NTN1: variants seen among roughly 807,000 people sequenced by gnomAD.
The protein encoded by NTN1 is netrin 1, also known as netrin-1.
NTN1 carries 11 observed loss-of-function variants against 54.2 expected under a neutral mutation model. That is an observed-to-expected ratio of 0.20 (90% CI 0.13 to 0.34). The LOEUF is 0.34. Among genes scored for constraint, NTN1 ranks in the 10% least tolerant of loss-of-function variants. The pLI is 1.00. For synonymous variants in NTN1, 371 were observed against 382.0 expected (o/e 0.97, Z 0.33); for missense variants, 740 against 893.1 (o/e 0.83, Z 2.18).
In NTN1 at chr17:9,182,870, C is replaced by T. The variant is rs2092422547; in HGVS notation, c.1358-46C>T. On this transcript the variant is annotated intron_variant, in intron 4 of 6. Transcript: ENST00000173229. ...AAAGTCAAAAAATCATGTCGTCTTACCTTGTTTTCTCTCCTCCCCTCGCCC... is the reference window on the plus strand; with the variant it reads ...AAAGTCAAAAAATCATGTCGTCTTATCTTGTTTTCTCTCCTCCCCTCGCCC... 4 of 1,597,914 alleles carry T rather than the reference C, an allele frequency of 2.5e-6. 1 individual carries two copies. The East Asian group carries it at 8.9e-5, about 36-fold the overall frequency.
Position 9,163,125 on chromosome 17 carries a change from CTCTCTCTCTT to C in NTN1, c.1207+134_1207+143del, listed in dbSNP as rs1374463396. ...ACAAATTGGCGTTGTCTGAGGTCAT[CTCTCTCTCTT>C]TCTCTCTCTGTGACACACACACACA... On this transcript the variant is annotated intron_variant, in intron 3 of 6. Transcript: ENST00000173229. The C allele has an allele frequency of 4.7e-6, 4 of 852,118 alleles. No homozygotes were observed. The South Asian group carries it at 5.2e-5, about 11-fold the overall frequency. The allele number at this position is 852,118 out of a possible 1,614,324, so 52.8% of individuals were successfully genotyped here. A position where few individuals can be genotyped will look rare whatever the true frequency, so the allele number is the denominator to read the frequency against.
intron 2 of NTN1, among the ~76,000 whole-genome samples, chr17:9,150,023 G>A (rs1309832047): frequency 6.6e-6 from 1 of 152,140 alleles, no homozygotes; most frequent in Admixed American, 6.5e-5. Flanking sequence ...CCAACATGGC[G>A]AAACTCCATC....
chr17:9,152,004 A>G (rs1198876860), intron 2 of NTN1, among the ~76,000 whole-genome samples: 2 of 152,200 alleles, frequency 1.3e-5, no homozygotes, highest in Non-Finnish European at 2.9e-5. Context: ...CTCTGATAGG[A>G]CAGAAATGGA....
At chr17:9,098,098 TGTA>T (rs2092137954) in intron 2 of NTN1, among the ~76,000 whole-genome samples, 1 of 152,230 alleles carries the variant, frequency 6.6e-6, no homozygotes. Context: ...TTATCATGAC[TGTA>T]GAGTGGACGT....
chr17:9,222,549 A>C (rs1247383693), intron 6 of NTN1, among the ~76,000 whole-genome samples: 1 of 152,218 alleles, frequency 6.6e-6, no homozygotes, highest in Non-Finnish European at 1.5e-5. Context: ...GGCTCCCAGC[A>C]AACAGTGACC....
intron 6 of NTN1, among the ~76,000 whole-genome samples, chr17:9,225,080 G>T (rs1408201822): frequency 6.6e-6 from 1 of 152,080 alleles, no homozygotes; most frequent in African/African-American, 2.4e-5. Flanking sequence ...GGCCAACATA[G>T]TGAAACCCCG....
At chr17:9,218,553 A>G (rs1040508055) in intron 5 of NTN1, among the ~76,000 whole-genome samples, 2 of 152,190 alleles carry the variant, frequency 1.3e-5, no homozygotes, top group African/African-American at 4.8e-5. Context: ...TCTGGAGAGA[A>G]GAGCTGTAGA....
intron 2 of NTN1, among the ~76,000 whole-genome samples, chr17:9,083,687 A>G (rs1456595499): frequency 2.0e-5 from 3 of 152,210 alleles, no homozygotes; most frequent in African/African-American, 4.8e-5. Flanking sequence ...GGGAACACCC[A>G]CCAAAGGATG....
At chr17:9,013,371 C>A in the NTN1 span, among the ~76,000 whole-genome samples, 1 of 152,030 alleles carries the variant, frequency 6.6e-6, no homozygotes, top group East Asian at 1.9e-4. Flanking sequence ...CATGCGCCAC[C>A]ACACCCGGCT....
At chr17:9,179,705 C>A (rs78529706) in intron 3 of NTN1, 102 bp from the exon 4 acceptor site, 1 of 1,416,104 alleles carries the variant, frequency 7.1e-7, no homozygotes, top group African/African-American at 1.4e-5. Flanking sequence ...GCTCTTCCTC[C>A]AGGGCAGGGT....
intron 2 of NTN1, among the ~76,000 whole-genome samples, chr17:9,078,095 T>G (rs749308612): frequency 6.7e-6 from 1 of 149,990 alleles, no homozygotes; most frequent in Non-Finnish European, 1.5e-5. Context: ...CATCCATCCA[T>G]CCACCCAGTG....
chr17:9,068,387 G>A (rs1408960012), intron 2 of NTN1, among the ~76,000 whole-genome samples: 1 of 152,124 alleles, frequency 6.6e-6, no homozygotes, highest in Non-Finnish European at 1.5e-5. Context: ...GTCCTACTAT[G>A]TTGCCCAGAC....
At chr17:9,112,295 G>A (rs902601946) in intron 2 of NTN1, among the ~76,000 whole-genome samples, 6 of 152,172 alleles carry the variant, frequency 3.9e-5, no homozygotes, top group Admixed American at 1.3e-4. Context: ...CAAATAATGA[G>A]GTTCAGCAAT....
At chr17:9,216,771 G>A (rs555969185) in intron 5 of NTN1, among the ~76,000 whole-genome samples, 63 of 152,318 alleles carry the variant, frequency 4.1e-4, no homozygotes, top group African/African-American at 1.5e-3. Context: ...GACTGGGTGC[G>A]GTGGCTCACG....
intron 2 of NTN1, among the ~76,000 whole-genome samples, chr17:9,081,331 C>T (rs145037050): frequency 2.2e-4 from 34 of 152,256 alleles, no homozygotes; most frequent in Admixed American, 6.5e-4. Flanking sequence ...ATGACTGAAA[C>T]GTACTTCCTC....
At chr17:9,222,697 G>A (rs140183822) in intron 6 of NTN1, among the ~76,000 whole-genome samples, 412 of 152,250 alleles carry the variant, frequency 2.7e-3, no homozygotes, top group African/African-American at 5.9e-3. Flanking sequence ...CCCTGACCCC[G>A]TGGGGGTCCG....
At chr17:9,005,314 G>T in the NTN1 span, among the ~76,000 whole-genome samples, 5 of 152,198 alleles carry the variant, frequency 3.3e-5, no homozygotes, top group Non-Finnish European at 7.3e-5. Context: ...GAGGCCTAAA[G>T]TGACTTGCAG....
chr17:9,111,100 G>A (rs370835707), intron 2 of NTN1, among the ~76,000 whole-genome samples: 15 of 152,032 alleles, frequency 9.9e-5, no homozygotes, highest in African/African-American at 3.6e-4. Flanking sequence ...ACCACGCCTG[G>A]CTAATTTTTG....
In NTN1 at chr17:9,083,814, A is replaced by T. The variant is rs537487424; in HGVS notation, c.1018+60423A>T. Among the ~76,000 whole-genome samples the T allele has an allele frequency of 4.6e-5, 7 of 152,342 alleles. No individual in the cohort carries two copies. In the South Asian group the frequency reaches 1.4e-3, roughly 32 times the overall value. Reference sequence around the variant, plus strand: ...TCCGGACCTTCAGTTACACAAACCCATGTAATTCAAGCCATTTTGGGTCGA... The same window carrying T: ...TCCGGACCTTCAGTTACACAAACCCTTGTAATTCAAGCCATTTTGGGTCGA... On this transcript the variant is annotated intron_variant, in intron 2 of 6. Transcript: ENST00000173229.
Sources: gnomAD v4.1 joint callset for allele counts (sites outside exome capture counted in the v4.1 genomes callset) on GRCh38, gnomAD v4.1.1 for gene constraint, MANE v1.5 for transcripts, NCBI Gene and HGNC (gene_info 2026-07-23, HGNC 2026-07-21) for gene names.